ANKRD44: variants seen among roughly 807,000 people sequenced by gnomAD.
The protein encoded by ANKRD44 is serine/threonine-protein phosphatase 6 regulatory ankyrin repeat subunit B.
Under a neutral mutation model 116.0 loss-of-function variants are expected in ANKRD44, and 35 were observed. The observed-to-expected ratio is 0.30, with a 90% CI of 0.23 to 0.40. ANKRD44 has a LOEUF of 0.40. ANKRD44 is among the 10% of genes least tolerant of loss of function. ANKRD44 has a pLI of 1.00. For synonymous variants in ANKRD44, 435 were observed against 461.8 expected, an observed-to-expected ratio of 0.94 and a Z score of 0.74; for missense variants, 1,014 against 1,242.6, an observed-to-expected ratio of 0.82 and a Z score of 2.77.
chr2:197,070,517 C>A (rs1445428337), intron 16 of ANKRD44, among the ~76,000 whole-genome samples: 3 of 152,112 alleles, frequency 2.0e-5, no homozygotes, highest in African/African-American at 7.2e-5. Flanking sequence ...GATTTTTCTT[C>A]TTTAGCCTGT....
chr2:197,242,806 G>A (rs2082117593), intron 1 of ANKRD44, among the ~76,000 whole-genome samples: 1 of 152,206 alleles, frequency 6.6e-6, no homozygotes, highest in African/African-American at 2.4e-5. Flanking sequence ...GATGAGACCA[G>A]AAAGCCTCAG....
chr2:197,167,200 C>T (rs180926569), intron 2 of ANKRD44, among the ~76,000 whole-genome samples: 33 of 151,788 alleles, frequency 2.2e-4, no homozygotes, highest in Admixed American at 1.6e-3. Flanking sequence ...CTTTCAGCAG[C>T]GCCTGCCACC....
intron 17 of ANKRD44, among the ~76,000 whole-genome samples, chr2:197,020,426 G>A (rs1465720376): frequency 1.3e-5 from 2 of 152,146 alleles, no homozygotes; most frequent in Non-Finnish European, 2.9e-5. Flanking sequence ...CCAATCTTTT[G>A]GCTTCCCTGG....
At chr2:197,147,274 T>C (rs995611600) in intron 2 of ANKRD44, among the ~76,000 whole-genome samples, 169 bp from the exon 3 acceptor site, 1 of 152,170 alleles carries the variant, frequency 6.6e-6, no homozygotes, top group Non-Finnish European at 1.5e-5. Context: ...ACATACCCTA[T>C]AGTTACACAT....
intron 3 of ANKRD44, among the ~76,000 whole-genome samples, 157 bp downstream of exon 3, chr2:197,146,870 T>C (rs1419561145): frequency 6.6e-6 from 1 of 152,230 alleles, no homozygotes; most frequent in African/African-American, 2.4e-5. Flanking sequence ...AACAACTTCT[T>C]GCATTTTTCT....
intron 17 of ANKRD44, among the ~76,000 whole-genome samples, chr2:197,021,284 A>G (rs972890665): frequency 1.3e-5 from 2 of 152,222 alleles, no homozygotes; most frequent in Non-Finnish European, 2.9e-5. Flanking sequence ...TTCTAGTAGC[A>G]TGATTTATAA....
intron 1 of ANKRD44, among the ~76,000 whole-genome samples, chr2:197,285,528 T>C (rs1158974485): frequency 6.6e-6 from 1 of 152,134 alleles, no homozygotes; most frequent in African/African-American, 2.4e-5. Context: ...GTCACTCCAT[T>C]TTCTCATAAA....
chr2:197,053,177 C>T (rs2077142422), intron 16 of ANKRD44, among the ~76,000 whole-genome samples: 1 of 151,694 alleles, frequency 6.6e-6, no homozygotes, highest in Non-Finnish European at 1.5e-5. Context: ...TCTCAAAAAA[C>T]AAAACAAAAA....
rs192047938 is a variant in ANKRD44, at chr2:196,974,303, G to C, written c.2369-6857C>G. ...TTGCCATGTTGCCTAGGTTGGTCTT[G>C]AACTCCTGAGCTCAAGTGATCTGCC... On this transcript the variant is annotated intron_variant, in intron 21 of 21. Coordinates refer to the ANKRD44 transcript ENST00000424317. Among the ~76,000 whole-genome samples, 519 of 152,076 alleles carry C rather than the reference G, an allele frequency of 3.4e-3. 3 individuals carry two copies. Among genetic ancestry groups the C allele is most frequent in the African/African-American group, 0.011 (472 of 41,492 alleles).
intron 1 of ANKRD44, among the ~76,000 whole-genome samples, chr2:197,281,827 C>T (rs2083273138): frequency 6.6e-6 from 1 of 152,128 alleles, no homozygotes; most frequent in African/African-American, 2.4e-5. Context: ...TCATTTTCTT[C>T]CCAGCAGTGG....
At chr2:197,013,802 T>C in intron 17 of ANKRD44, 90 bp from the exon 18 acceptor site, 1 of 1,350,762 alleles carries the variant, frequency 7.4e-7, no homozygotes, top group South Asian at 1.2e-5. Context: ...TCCTGGGCCA[T>C]GGATAGAGAC....
intron 1 of ANKRD44, among the ~76,000 whole-genome samples, chr2:197,260,315 T>C (rs189987954): frequency 2.0e-5 from 3 of 152,270 alleles, no homozygotes; most frequent in Non-Finnish European, 2.9e-5. Context: ...TTCCCACCTA[T>C]GAGTGAGAAC....
chr2:197,152,378 C>G (rs531746920), intron 2 of ANKRD44, among the ~76,000 whole-genome samples: 1 of 152,268 alleles, frequency 6.6e-6, no homozygotes, highest in African/African-American at 2.4e-5. Flanking sequence ...CCAAACATCA[C>G]AAAAAGGAAG....
intron 1 of ANKRD44, among the ~76,000 whole-genome samples, chr2:197,189,578 A>G (rs913778977): frequency 3.9e-5 from 6 of 152,244 alleles, no homozygotes; most frequent in Admixed American, 2.6e-4. Context: ...TCGACAAAAA[A>G]AAATATTGAA....
At chr2:197,304,721 T>C (rs1016327247) in intron 1 of ANKRD44, among the ~76,000 whole-genome samples, 1 of 152,210 alleles carries the variant, frequency 6.6e-6, no homozygotes, top group Non-Finnish European at 1.5e-5. Context: ...TCCCTTCCCG[T>C]GTACCCATAG....
chr2:197,048,337 C>T (rs1287703881), intron 16 of ANKRD44, among the ~76,000 whole-genome samples: 1 of 152,144 alleles, frequency 6.6e-6, no homozygotes, highest in East Asian at 1.9e-4. Context: ...TATCCCTCCC[C>T]CTGCCCCCCA....
intron 16 of ANKRD44, chr2:197,029,399 C>A: frequency 7.2e-6 from 2 of 279,292 alleles, no homozygotes; most frequent in South Asian, 3.4e-5. Flanking sequence ...GCTTGAAGGG[C>A]TCTTTGGAGC....
rs1434883595 is a variant in ANKRD44, at chr2:197,139,897, T to TGTGTGTGTGA, written c.191-3236_191-3235insTCACACACAC. 9.9e-5 allele frequency among the ~76,000 whole-genome samples: 13 copies of TGTGTGTGTGA among 131,308 alleles called. 1 individual carries two copies. Among genetic ancestry groups the TGTGTGTGTGA allele is most frequent in the African/African-American group, 3.7e-4 (13 of 35,406 alleles). 86.1% of individuals were successfully genotyped at this position (131,308 alleles called of 152,430 possible). A position where few individuals can be genotyped will look rare whatever the true frequency, so the allele number is the denominator to read the frequency against. ...GTGTGTGTGTGTGTGTGTGTGTGTG[T>TGTGTGTGTGA]GAAACGGAGTCTTGCTCTGTCACCC... On this transcript the variant is annotated intron_variant, in intron 3 of 27. Transcript: ENST00000282272.
At chr2:196,990,733 C>T (rs1574226543) in intron 27 of ANKRD44, 3 of 1,232,150 alleles carry the variant, frequency 2.4e-6, no homozygotes, top group Non-Finnish European at 3.0e-6. Context: ...TCCGAGCCTA[C>T]GTTGTTACTG....
Sources: gnomAD v4.1 joint callset for allele counts (sites outside exome capture counted in the v4.1 genomes callset) on GRCh38, gnomAD v4.1.1 for gene constraint, MANE v1.5 for transcripts, NCBI Gene and HGNC (gene_info 2026-07-23, HGNC 2026-07-21) for gene names.